ADAMTSL1: variants seen among roughly 807,000 people sequenced by gnomAD.
The protein encoded by ADAMTSL1 is ADAMTS like 1.
In ADAMTSL1, 126 loss-of-function variants were observed where a neutral mutation model predicts 201.8. That is an observed-to-expected ratio of 0.62 (90% CI 0.54 to 0.72). The LOEUF is 0.72. Among genes scored for constraint, ADAMTSL1 ranks in the 30% least tolerant of loss-of-function variants. The pLI is 0.00. For missense variants in ADAMTSL1, 2,679 were observed against 2,277.8 expected (o/e 1.18, Z -3.59); for synonymous variants, 1,121 against 903.4 (o/e 1.24, Z -4.32).
Position 18,132,685 on chromosome 9 carries a change from T to G in ADAMTSL1, c.88-31177T>G, listed in dbSNP as rs376574140. On this transcript the variant is annotated intron_variant, in intron 1 of 29. Transcript: ENST00000680146. ...TCTATCATGTATGTTACTTTGAGCT[T>G]TATCTTTCCATTGTACCCTTTTTCC... Among the ~76,000 whole-genome samples the G allele has an allele frequency of 5.9e-5, 9 of 152,140 alleles. No individual in the cohort carries two copies. In the East Asian group the frequency reaches 9.6e-4, roughly 16 times the overall value.
Position 18,487,548 on chromosome 9 carries a change from G to GA in ADAMTSL1, c.63+13260dup, listed in dbSNP as rs549679331. ...AATGTCTTTAGACTTAGCAAAAGGG[G>GA]AAAAAAAGTTAATTTCAGTCTCCTC... On this transcript the variant is annotated intron_variant, in intron 1 of 28. Transcript: ENST00000380548. Among the ~76,000 whole-genome samples the GA allele has an allele frequency of 5.3e-3, 813 of 152,168 alleles. 6 individuals carry two copies. Among genetic ancestry groups the GA allele is most frequent in the South Asian group, 0.028 (133 of 4,812 alleles).
chr9:18,062,432 T>C (rs994925692), intron 1 of ADAMTSL1, among the ~76,000 whole-genome samples: 1 of 152,178 alleles, frequency 6.6e-6, no homozygotes, highest in Non-Finnish European at 1.5e-5. Context: ...TATAATATTT[T>C]AAGTAGAATA....
chr9:18,900,447 A>C (rs1455983008), intron 26 of ADAMTSL1, among the ~76,000 whole-genome samples: 2 of 151,416 alleles, frequency 1.3e-5, no homozygotes, highest in Non-Finnish European at 2.9e-5. Flanking sequence ...AAAGGAATAC[A>C]AATCATTCTA....
At chr9:18,654,829 T>C (rs140841697) in intron 7 of ADAMTSL1, among the ~76,000 whole-genome samples, 3 of 152,360 alleles carry the variant, frequency 2.0e-5, no homozygotes, top group Admixed American at 6.5e-5. Context: ...TACTGATGTA[T>C]GTTCACTGTT....
intron 1 of ADAMTSL1, among the ~76,000 whole-genome samples, chr9:18,149,167 C>G (rs1179801647): frequency 1.3e-5 from 2 of 151,988 alleles, no homozygotes; most frequent in African/African-American, 4.8e-5. Context: ...ATGAACCAGA[C>G]CCTTCTTAGT....
intron 1 of ADAMTSL1, among the ~76,000 whole-genome samples, chr9:18,485,366 A>G (rs1286580493): frequency 2.0e-5 from 3 of 152,364 alleles, no homozygotes; most frequent in Non-Finnish European, 4.4e-5. Context: ...TCTTTATTCT[A>G]TGTGTCAACA....
chr9:18,621,476 C>T (rs1437308348), intron 4 of ADAMTSL1, among the ~76,000 whole-genome samples: 2 of 151,226 alleles, frequency 1.3e-5, no homozygotes, highest in East Asian at 3.9e-4. Context: ...TTGTACTGTG[C>T]CTGATACAGG....
At position 18,681,914 on chromosome 9, in the gene ADAMTSL1, A is replaced by G. The variant is rs1830526289; in HGVS notation, c.1444A>G (p.Ile482Val). Residue 482 changes from isoleucine to valine, a missense_variant, in exon 12 of 29, where the codon ATA becomes GTA. By Grantham distance (29) the Ile-to-Val change is conservative. Transcript: ENST00000380548. Reference sequence around the variant, plus strand: ...CTGTAGCCCAAAAACAAAGCCCCACATAAAAGAGGAATGCATCGTACCCAC... The same window carrying G: ...CTGTAGCCCAAAAACAAAGCCCCACGTAAAAGAGGAATGCATCGTACCCAC... ...GGCSPKTKPHIKEECIVPTPC... is the reference protein window; with the variant it reads ...GGCSPKTKPHVKEECIVPTPC... The G allele has an allele frequency of 6.2e-7, 1 of 1,614,182 alleles. No individual in the cohort carries two copies. The highest frequency in any genetic ancestry group is 8.5e-7 in the Non-Finnish European group (1 of 1,180,028).
At position 18,910,738 on chromosome 9, in the gene ADAMTSL1, T is replaced by G. The variant is rs1830555096; in HGVS notation, c.*2190T>G. On this transcript the variant is annotated 3_prime_UTR_variant, in exon 29 of 29. Transcript: ENST00000380548. ...GGGTTGGAGCAGTTGGCAGTGGGTC[T>G]CAGTGAGCTGGCAGAACCTAGGTTT... is the stretch of plus-strand genomic sequence containing the variant. 1 of 152,226 alleles carries G rather than the reference T, an allele frequency of 6.6e-6. No individual in the cohort carries two copies. The highest frequency in any genetic ancestry group is 1.5e-5 in the Non-Finnish European group (1 of 68,038). 9.4% of individuals were successfully genotyped at this position (152,226 alleles called of 1,614,324 possible).
chr9:18,609,433 TA>T (rs71902207), intron 4 of ADAMTSL1, among the ~76,000 whole-genome samples: 1,730 of 145,786 alleles, frequency 0.012, 16 homozygotes, highest in African/African-American at 0.036. Flanking sequence ...AGAGGGAAGT[TA>T]AAAAAAAAAA....
At chr9:18,670,341 G>A (rs1397429050) in intron 9 of ADAMTSL1, among the ~76,000 whole-genome samples, 2 of 152,176 alleles carry the variant, frequency 1.3e-5, no homozygotes, top group African/African-American at 4.8e-5. Context: ...AGCTTTCAGA[G>A]TTATATCTGG....
At chr9:17,909,239 A>G (rs1306490886) in intron 1 of ADAMTSL1, among the ~76,000 whole-genome samples, 1 of 147,312 alleles carries the variant, frequency 6.8e-6, no homozygotes, top group African/African-American at 2.4e-5. Flanking sequence ...TCAGATGAGT[A>G]GGTTGCAAAA....
chr9:18,658,707 T>G (rs994573307), intron 8 of ADAMTSL1, among the ~76,000 whole-genome samples: 2 of 152,248 alleles, frequency 1.3e-5, no homozygotes, highest in Admixed American at 1.3e-4. Flanking sequence ...TTTTTCCTCA[T>G]TTTCTGCTCA....
At chr9:18,004,432 C>T (rs756111107) in intron 1 of ADAMTSL1, among the ~76,000 whole-genome samples, 30 of 152,050 alleles carry the variant, frequency 2.0e-4, no homozygotes, top group Non-Finnish European at 3.4e-4. Flanking sequence ...CAGACACTGA[C>T]GTGAACCCAC....
intron 1 of ADAMTSL1, among the ~76,000 whole-genome samples, chr9:18,024,585 AG>A (rs1820616142): frequency 6.6e-6 from 1 of 152,150 alleles, no homozygotes; most frequent in African/African-American, 2.4e-5. Flanking sequence ...GTTGCTGCAA[AG>A]GACATGATTC....
At chr9:18,278,702 C>T (rs1832678030) in intron 2 of ADAMTSL1, among the ~76,000 whole-genome samples, 1 of 152,280 alleles carries the variant, frequency 6.6e-6, no homozygotes, top group Non-Finnish European at 1.5e-5. Context: ...TTTTCCACTT[C>T]AGACTTGGGA....
At chr9:18,662,474 G>A (rs1486071850) in intron 9 of ADAMTSL1, among the ~76,000 whole-genome samples, 1 of 152,166 alleles carries the variant, frequency 6.6e-6, no homozygotes, top group Non-Finnish European at 1.5e-5. Context: ...TCAGGGACAA[G>A]ATCAGAGCAG....
chr9:18,071,391 G>A (rs943667002), intron 1 of ADAMTSL1, among the ~76,000 whole-genome samples: 1 of 152,168 alleles, frequency 6.6e-6, no homozygotes, highest in South Asian at 2.1e-4. Context: ...GGAACAACAG[G>A]GGTTCCTGCC....
chr9:18,560,631 G>C (rs535556152), intron 3 of ADAMTSL1, among the ~76,000 whole-genome samples: 8 of 150,782 alleles, frequency 5.3e-5, no homozygotes, highest in Non-Finnish European at 1.2e-4. Flanking sequence ...CTGTGGTCTG[G>C]TCCTGGGTTT....
Sources: gnomAD v4.1 joint callset for allele counts (sites outside exome capture counted in the v4.1 genomes callset) on GRCh38, gnomAD v4.1.1 for gene constraint, MANE v1.5 for transcripts, NCBI Gene and HGNC (gene_info 2026-07-23, HGNC 2026-07-21) for gene names.